Variants in COL21A1 observed in about 807,000 individuals in gnomAD.
COL21A1 encodes collagen alpha-1(XXI) chain.
A neutral mutation model predicts 137.9 loss-of-function variants in COL21A1; 149 were observed. The observed-to-expected ratio is 1.08, with a 90% CI of 0.95 to 1.24. The LOEUF (loss-of-function observed/expected upper bound fraction) is 1.24, where lower values mean the gene tolerates loss of function less well. COL21A1 is among the 50% of genes most tolerant of loss of function. The pLI, the probability that COL21A1 is intolerant of heterozygous loss-of-function variation, is 0.00. For synonymous variants in COL21A1, 456 were observed against 391.5 expected (o/e 1.16, Z -1.95); for missense variants, 1,167 against 1,158.4 (o/e 1.01, Z -0.11).
At chr6:56,207,228 T>G (rs1038525935) in intron 1 of COL21A1, among the ~76,000 whole-genome samples, 1 of 151,906 alleles carries the variant, frequency 6.6e-6, no homozygotes, top group Non-Finnish European at 1.5e-5. Context: ...GAAAAACCCT[T>G]CAAAAAATCC....
intron 1 of COL21A1, among the ~76,000 whole-genome samples, chr6:56,374,399 T>C (rs1288353340): frequency 6.6e-6 from 1 of 152,164 alleles, no homozygotes; most frequent in African/African-American, 2.4e-5. Context: ...CAAAATAGGA[T>C]ATTTTAAAGT....
At chr6:56,091,043 A>G (rs1327723402) in intron 17 of COL21A1, among the ~76,000 whole-genome samples, 1 of 152,176 alleles carries the variant, frequency 6.6e-6, no homozygotes. Flanking sequence ...TTCAATCTAA[A>G]TAAAAAATAT....
intron 1 of COL21A1, among the ~76,000 whole-genome samples, chr6:56,232,091 T>C (rs1781603952): frequency 6.6e-6 from 1 of 151,874 alleles, no homozygotes; most frequent in African/African-American, 2.4e-5. Flanking sequence ...AACTAGTACA[T>C]ATAACCTTAA....
intron 1 of COL21A1, among the ~76,000 whole-genome samples, chr6:56,201,651 T>C (rs1779416357): frequency 6.6e-6 from 1 of 152,186 alleles, no homozygotes; most frequent in Admixed American, 6.6e-5. Context: ...AATTCATTTG[T>C]ATGTGTCTTT....
chr6:56,259,401 C>G (rs1335057714), intron 1 of COL21A1, among the ~76,000 whole-genome samples: 1 of 152,208 alleles, frequency 6.6e-6, no homozygotes, highest in Non-Finnish European at 1.5e-5. Context: ...CTAGTACATT[C>G]CCATCATTGC....
At chr6:56,221,782 G>A (rs1331059259) in intron 1 of COL21A1, among the ~76,000 whole-genome samples, 1 of 152,086 alleles carries the variant, frequency 6.6e-6, no homozygotes, top group Non-Finnish European at 1.5e-5. Context: ...TATCAGGTTT[G>A]ACATAGCTCT....
Position 56,276,808 on chromosome 6 carries a change from T to G in COL21A1, c.-38-94152A>C, listed in dbSNP as rs201667407. Reference sequence around the variant, plus strand: ...TGTTCAGTGAGTTGTGTTTTTTTTGTTTTTTTTGTTTTTTTTTTGAGACAG... The same window carrying G: ...TGTTCAGTGAGTTGTGTTTTTTTTGGTTTTTTTGTTTTTTTTTTGAGACAG... On this transcript the variant is annotated intron_variant, in intron 1 of 28. Coordinates refer to the COL21A1 transcript ENST00000370819. 711 of 887,634 alleles carry G rather than the reference T, an allele frequency of 8.0e-4. 4 individuals are homozygous for G. The African/African-American group carries it at 0.012, about 15-fold the overall frequency. 55.0% of individuals were successfully genotyped at this position (887,634 alleles called of 1,614,324 possible). A position where few individuals can be genotyped will look rare whatever the true frequency, so the allele number is the denominator to read the frequency against.
chr6:56,274,524 A>T (rs1203196384), intron 1 of COL21A1, among the ~76,000 whole-genome samples: 3 of 152,218 alleles, frequency 2.0e-5, no homozygotes, highest in African/African-American at 7.2e-5. Flanking sequence ...AAGTTTCAAG[A>T]CATAAAATCA....
At chr6:56,146,939 A>G (rs1157502677) in intron 10 of COL21A1, among the ~76,000 whole-genome samples, 2 of 152,166 alleles carry the variant, frequency 1.3e-5, no homozygotes, top group East Asian at 1.9e-4. Flanking sequence ...CCAGTTTCCT[A>G]TATTTCCCTT....
Position 56,180,080 on chromosome 6 carries a change from A to G in COL21A1, c.138T>C (p.Tyr46=), listed in dbSNP as rs187838405. The change falls in exon 3 of 30, where the codon TAT becomes TAC. Residue 46 remains tyrosine, a synonymous_variant. Transcript: ENST00000244728. ...TDLVFILDGS[Y]SVGPENFEIV... ...TTTCAAAGTTTTCTGGGCCAACACT[A>G]TAAGAGCCATCTAAGATGAAAACTA... 83 of 1,613,706 alleles carry G rather than the reference A, an allele frequency of 5.1e-5. 1 individual carries two copies. The African/African-American group carries it at 9.3e-4, about 18-fold the overall frequency.
rs1023839139 is a variant in COL21A1 at position 56,222,814 on chromosome 6, A to T, written c.-39+24573T>A. 2.0e-5 allele frequency among the ~76,000 whole-genome samples: 3 copies of T among 152,124 alleles called. No individual in the cohort carries two copies. In the South Asian group the frequency reaches 6.2e-4, roughly 31 times the overall value. On this transcript the variant is annotated intron_variant, in intron 1 of 29. Transcript: ENST00000244728. ...CCCAGGGAATGTTTGCAAGAATTTC[A>T]AAGTGAGTCACACAGATTAGTACTT... is the stretch of plus-strand genomic sequence containing the variant.
At chr6:56,285,443 T>C (rs985965677) in intron 1 of COL21A1, among the ~76,000 whole-genome samples, 3 of 152,226 alleles carry the variant, frequency 2.0e-5, no homozygotes, top group Admixed American at 6.5e-5. Flanking sequence ...AGGAGTAGCA[T>C]TTGTCCTGAG....
chr6:56,317,344 C>G (rs4532443), intron 1 of COL21A1, among the ~76,000 whole-genome samples: 126,454 of 152,116 alleles, frequency 0.83, 53,436 homozygotes, highest in South Asian at 0.98. Context: ...AAGCTTCTAT[C>G]CCTTTATTTT....
chr6:56,162,381 G>A (rs1776259900), intron 9 of COL21A1, among the ~76,000 whole-genome samples: 2 of 152,150 alleles, frequency 1.3e-5, no homozygotes. Context: ...GCTAGATTAT[G>A]ACTAAGAAAA....
At chr6:56,178,112 G>A (rs1264568166) in intron 3 of COL21A1, among the ~76,000 whole-genome samples, 1 of 152,036 alleles carries the variant, frequency 6.6e-6, no homozygotes, top group Admixed American at 6.5e-5. Flanking sequence ...AGTCTCTGAA[G>A]CAAATATTGA....
At chr6:56,390,432 C>T (rs186233091) in intron 1 of COL21A1, among the ~76,000 whole-genome samples, 2 of 148,892 alleles carry the variant, frequency 1.3e-5, no homozygotes, top group South Asian at 2.2e-4. Flanking sequence ...CCTTACCTAT[C>T]GATAATAACA....
At chr6:56,067,470 T>TGGCCGGGCGCGGTGGCTC in intron 22 of COL21A1, 140 bp from the exon 23 acceptor site, 1 of 583,806 alleles carries the variant, frequency 1.7e-6, no homozygotes, top group Non-Finnish European at 3.0e-6. Context: ...AGTTGACTCC[T>TGGCCGGGCGCGGTGGCTC]AACACAATAC....
intron 17 of COL21A1, among the ~76,000 whole-genome samples, chr6:56,092,497 T>G (rs1397177619): frequency 2.0e-5 from 3 of 151,724 alleles, no homozygotes; most frequent in Admixed American, 1.3e-4. Context: ...CAATGAAAAA[T>G]GTAGGAAAAT....
upstream of COL21A1, among the ~76,000 whole-genome samples, chr6:56,251,570 T>A (rs554062982): frequency 6.6e-6 from 1 of 152,334 alleles, no homozygotes; most frequent in East Asian, 1.9e-4. Flanking sequence ...TGATTGGATG[T>A]GTGTGAGTGT....
Sources: gnomAD v4.1 joint callset for allele counts (sites outside exome capture counted in the v4.1 genomes callset) on GRCh38, gnomAD v4.1.1 for gene constraint, MANE v1.5 for transcripts, NCBI Gene and HGNC (gene_info 2026-07-23, HGNC 2026-07-21) for gene names.